The following SPECC1 variants were observed in gnomAD, a reference collection of about 807,000 sequenced individuals.
SPECC1 encodes the protein cytospin-B.
In SPECC1, 62 loss-of-function variants were observed where a neutral mutation model predicts 104.1. The observed-to-expected ratio is 0.60, with a 90% confidence interval of 0.49 to 0.74. The LOEUF (loss-of-function observed/expected upper bound fraction) is 0.74, where lower values mean the gene tolerates loss of function less well. Ranked by LOEUF, SPECC1 falls within the 30% of genes least tolerant of loss-of-function variation. The pLI, the probability that SPECC1 is intolerant of heterozygous loss-of-function variation, is 0.00. For synonymous variants in SPECC1, 513 were observed against 501.6 expected, an observed-to-expected ratio of 1.02 and a Z score of -0.30; for missense variants, 1,306 against 1,310.5, an observed-to-expected ratio of 1.00 and a Z score of 0.05.
chr17:20,110,531 G>A lies in SPECC1; in HGVS notation c.252G>A (p.Glu84=), dbSNP rs1333143262. The A allele has an allele frequency of 6.2e-7, 1 of 1,613,732 alleles. No homozygotes were observed. Among genetic ancestry groups the A allele is most frequent in the Non-Finnish European group, 8.5e-7 (1 of 1,179,978 alleles). ...CCGCCACTGCCGGAGCCATCTCGGA[G>A]CTCACGGAGAGCCGCCTGAGGAGCG... ...KKTATAGAIS[E]LTESRLRSGT... Residue 84 remains glutamate, a synonymous_variant, in exon 3 of 15, where the codon GAG becomes GAA. Transcript: ENST00000395527.
At chr17:20,311,136 GTTA>G (rs2041919988) in intron 14 of SPECC1, among the ~76,000 whole-genome samples, 1 of 134,384 alleles carries the variant, frequency 7.4e-6, no homozygotes, top group African/African-American at 2.8e-5. Context: ...TATTGTAAAT[GTTA>G]TTGTTTTTCT....
chr17:20,240,907 G>A (rs2039172593), intron 7 of SPECC1, among the ~76,000 whole-genome samples: 1 of 152,188 alleles, frequency 6.6e-6, no homozygotes, highest in African/African-American at 2.4e-5. Context: ...CCTCTCTTGA[G>A]TGCAGTTTCC....
intron 3 of SPECC1, among the ~76,000 whole-genome samples, chr17:20,192,365 C>T (rs1274248589): frequency 6.6e-6 from 1 of 152,104 alleles, no homozygotes; most frequent in Admixed American, 6.6e-5. Flanking sequence ...TATTTTCTCC[C>T]AGCCTGTGGC....
At chr17:20,313,620 G>A (rs866683842) in intron 14 of SPECC1, among the ~76,000 whole-genome samples, 46 of 152,156 alleles carry the variant, frequency 3.0e-4, no homozygotes, top group African/African-American at 8.2e-4. Flanking sequence ...GGGAGTCTGG[G>A]GAATTAGAGG....
intron 3 of SPECC1, among the ~76,000 whole-genome samples, chr17:20,170,022 C>CT (rs1374621576): frequency 1.3e-5 from 2 of 152,246 alleles, no homozygotes; most frequent in African/African-American, 4.8e-5. Context: ...ATCCTGAAGA[C>CT]TTTACCGTCA....
At chr17:20,248,385 T>G (rs2039503140) in intron 9 of SPECC1, among the ~76,000 whole-genome samples, 1 of 152,046 alleles carries the variant, frequency 6.6e-6, no homozygotes, top group African/African-American at 2.4e-5. Context: ...GAGGATGGAG[T>G]TGAGTGAGCC....
intron 12 of SPECC1, among the ~76,000 whole-genome samples, chr17:20,261,545 G>A (rs369306618): frequency 1.1e-4 from 17 of 149,274 alleles, no homozygotes; most frequent in African/African-American, 3.5e-4. Flanking sequence ...TCCCCGAGCA[G>A]TGATGCCTCC....
chr17:20,136,024 A>T (rs2029920020), intron 3 of SPECC1, among the ~76,000 whole-genome samples: 1 of 152,128 alleles, frequency 6.6e-6, no homozygotes, highest in African/African-American at 2.4e-5. Context: ...GAAGAAGCCA[A>T]ACTCTAGGAT....
intron 10 of SPECC1, among the ~76,000 whole-genome samples, chr17:20,255,891 T>C (rs977031846): frequency 3.3e-5 from 5 of 151,828 alleles, no homozygotes; most frequent in African/African-American, 4.8e-5. Flanking sequence ...TTCTTTTTTT[T>C]TTTTGAGATG....
At chr17:20,087,698 A>G (rs1247575684) in intron 1 of SPECC1, among the ~76,000 whole-genome samples, 1 of 152,220 alleles carries the variant, frequency 6.6e-6, no homozygotes, top group Non-Finnish European at 1.5e-5. Flanking sequence ...CAGGAACACA[A>G]TGGTGAACAA....
chr17:20,106,833 T>G (rs770445945), intron 2 of SPECC1, among the ~76,000 whole-genome samples: 4 of 152,072 alleles, frequency 2.6e-5, no homozygotes, highest in Non-Finnish European at 5.9e-5. Context: ...GTCCAGTTGC[T>G]AAATTAGGGG....
chr17:20,241,486 A>G (rs2703782), intron 7 of SPECC1, among the ~76,000 whole-genome samples: 107,400 of 152,048 alleles, frequency 0.71, 39,721 homozygotes, highest in East Asian at 0.99. Context: ...GGGTTTTCCC[A>G]TATCTCCATT....
chr17:20,160,904 C>T (rs577891995), intron 3 of SPECC1, among the ~76,000 whole-genome samples: 2 of 152,144 alleles, frequency 1.3e-5, no homozygotes, highest in Admixed American at 1.3e-4. Flanking sequence ...TTAAATTTTC[C>T]AAATCCATTG....
chr17:20,112,164 T>C (rs2048526928), intron 3 of SPECC1: 11 of 763,398 alleles, frequency 1.4e-5, no homozygotes, highest in South Asian at 1.3e-4. Context: ...AACCTGATAG[T>C]ATGCTGGCCC....
At position 20,155,899 on chromosome 17, in the gene SPECC1, G is replaced by A. The variant is rs778611123; in HGVS notation, c.283+45337G>A. On this transcript the variant is annotated intron_variant, in intron 3 of 14. Coordinates refer to ENST00000395527, the MANE Select transcript of SPECC1 (RefSeq NM_001243439.2). ...TGAGGTGGGCGGACAGTATGCAGAT[G>A]ACGGGGGCGGGCCGCGCCTGGCGGG... 513 of 1,185,984 alleles carry A rather than the reference G, an allele frequency of 4.3e-4. 3 individuals are homozygous for A. Among genetic ancestry groups the A allele is most frequent in the Non-Finnish European group, 5.0e-4 (474 of 953,108 alleles). The allele number at this position is 1,185,984 out of a possible 1,614,324, so 73.5% of individuals were successfully genotyped here.
intron 1 of SPECC1, chr17:20,018,071 C>T (rs1404304434): frequency 6.6e-6 from 1 of 152,390 alleles, no homozygotes; most frequent in African/African-American, 2.4e-5. Context: ...AAGGGTCCAA[C>T]AGTCCTGGTC....
chr17:20,128,274 T>C (rs1041377664), intron 3 of SPECC1, among the ~76,000 whole-genome samples: 1 of 152,214 alleles, frequency 6.6e-6, no homozygotes, highest in Admixed American at 6.5e-5. Flanking sequence ...AGGGTAAACA[T>C]TTTGAATAAA....
rs754329369 is a variant in SPECC1, at chr17:20,205,232, C to G, written c.1183C>G (p.Leu395Val). The change falls in exon 4 of 15, where the codon CTA becomes GTA. Residue 395 changes from leucine (L) to valine (V), a missense_variant. Physicochemically the swap from Leu to Val is conservative, Grantham distance 32. Transcript: ENST00000395527. ...CACTGCAGAAGAACTACAGGCTACT[C>G]TACAAGAATTATCAGACCAGCAACA... ...HSTAEELQAT[L>V]QELSDQQQMV... 2 of 1,614,096 alleles carry G rather than the reference C, an allele frequency of 1.2e-6. No homozygotes were observed. The highest frequency in any genetic ancestry group is 1.7e-5 in the Admixed American group (1 of 60,014).
At chr17:20,166,670 G>A (rs562206309) in intron 3 of SPECC1, among the ~76,000 whole-genome samples, 5 of 152,250 alleles carry the variant, frequency 3.3e-5, no homozygotes, top group East Asian at 1.9e-4. Flanking sequence ...TGGGATAACC[G>A]GAGGGAGTTT....
Sources: allele counts gnomAD v4.1 joint callset (sites outside exome capture counted in the v4.1 genomes callset), GRCh38; gene constraint gnomAD v4.1.1; transcripts MANE v1.5; gene names NCBI Gene and HGNC (gene_info 2026-07-23, HGNC 2026-07-21).